RSPO2: variants seen among roughly 807,000 people sequenced by gnomAD.
RSPO2 encodes the protein R-spondin 2.
A neutral mutation model predicts 30.9 loss-of-function variants in RSPO2; 14 were observed. That is an observed-to-expected ratio of 0.45 (90% CI 0.30 to 0.71). The LOEUF (loss-of-function observed/expected upper bound fraction) is 0.71. Among genes scored for constraint, RSPO2 ranks in the 30% least tolerant of loss-of-function variants. RSPO2 has a pLI of 0.08. For synonymous variants in RSPO2, 107 were observed against 96.4 expected (o/e 1.11, Z -0.64); for missense variants, 264 against 301.9 (o/e 0.87, Z 0.93).
chr8:108,050,973 C>T (rs532435951), intron 2 of RSPO2, among the ~76,000 whole-genome samples: 11 of 152,090 alleles, frequency 7.2e-5, no homozygotes, highest in Non-Finnish European at 1.5e-4. Flanking sequence ...ATGGCTACAG[C>T]AACATGCCAC....
At chr8:108,039,882 A>G (rs1176884452) in intron 2 of RSPO2, among the ~76,000 whole-genome samples, 1 of 152,170 alleles carries the variant, frequency 6.6e-6, no homozygotes, top group Non-Finnish European at 1.5e-5. Context: ...TAGTGCCCTT[A>G]GAAGAAGAGG....
At chr8:107,952,501 C>T (rs937187084) in intron 5 of RSPO2, among the ~76,000 whole-genome samples, 7 of 152,050 alleles carry the variant, frequency 4.6e-5, no homozygotes, top group Non-Finnish European at 7.4e-5. Flanking sequence ...ATTTTAATAT[C>T]GACATTCTTG....
At chr8:107,999,582 G>T (rs1434837294) in intron 2 of RSPO2, among the ~76,000 whole-genome samples, 1 of 152,038 alleles carries the variant, frequency 6.6e-6, no homozygotes, top group Non-Finnish European at 1.5e-5. Context: ...CTACAGGCTT[G>T]TGCCACCACA....
intron 3 of RSPO2, among the ~76,000 whole-genome samples, chr8:107,962,589 T>C (rs1402753184): frequency 6.6e-6 from 1 of 152,174 alleles, no homozygotes; most frequent in African/African-American, 2.4e-5. Context: ...TGCTGTAACC[T>C]ATATTTTAAT....
At position 108,012,305 on chromosome 8, in the gene RSPO2, C is replaced by A. The variant is rs564576833; in HGVS notation, c.95-23061G>T. ...CCTAGAAGCTGAATCTCAGACTTTCCTCATCCCACACCTTGTGTATTGCAG... is the reference window on the plus strand; with the variant it reads ...CCTAGAAGCTGAATCTCAGACTTTCATCATCCCACACCTTGTGTATTGCAG... On this transcript the variant is annotated intron_variant, in intron 2 of 5. Transcript: ENST00000276659. Among the ~76,000 whole-genome samples, 133 of 152,314 alleles carry A rather than the reference C, an allele frequency of 8.7e-4. 1 individual carries two copies. Among genetic ancestry groups the A allele is most frequent in the African/African-American group, 3.2e-3 (132 of 41,580 alleles).
intron 5 of RSPO2, among the ~76,000 whole-genome samples, chr8:107,941,265 T>TA (rs2099841588): frequency 6.6e-6 from 1 of 152,162 alleles, no homozygotes; most frequent in Admixed American, 6.6e-5. Flanking sequence ...ATCACTTTCC[T>TA]ACATTCTTCA....
chr8:107,936,394 T>C (rs1563528641), intron 5 of RSPO2, among the ~76,000 whole-genome samples: 1 of 152,180 alleles, frequency 6.6e-6, no homozygotes, highest in Non-Finnish European at 1.5e-5. Flanking sequence ...CTATTGTGAA[T>C]AGTGCTGCAA....
chr8:108,026,635 G>A (rs1304154304), intron 2 of RSPO2, among the ~76,000 whole-genome samples: 3 of 152,150 alleles, frequency 2.0e-5, no homozygotes, highest in Admixed American at 2.0e-4. Context: ...GGGAGGCCGA[G>A]GCAGGTGGAT....
intron 3 of RSPO2, among the ~76,000 whole-genome samples, chr8:107,974,446 C>T (rs983407111): frequency 2.6e-5 from 4 of 152,048 alleles, no homozygotes; most frequent in Admixed American, 6.6e-5. Context: ...CCTGAGAGGT[C>T]GAGGCTACAG....
intron 3 of RSPO2, among the ~76,000 whole-genome samples, chr8:107,962,721 C>T (rs888653063): frequency 5.9e-5 from 9 of 151,392 alleles, no homozygotes; most frequent in African/African-American, 1.5e-4. Context: ...CCCTTCCTGC[C>T]GTAGTTATTT....
Position 107,969,808 on chromosome 8 carries a change from C to T in RSPO2, c.284-8991G>A, listed in dbSNP as rs1003998826. Among the ~76,000 whole-genome samples, 8 of 152,160 alleles carry T rather than the reference C, an allele frequency of 5.3e-5. No individual in the cohort carries two copies. The South Asian group carries it at 8.3e-4, about 16-fold the overall frequency. ...TCTCATATCAGATTTTAAATTCCTG[C>T]CATTATTAGAACTCTCATCTTGGTT... On this transcript the variant is annotated intron_variant, in intron 3 of 5. Transcript: ENST00000276659.
chr8:108,067,992 C>CCCA (rs1812726178), intron 2 of RSPO2, among the ~76,000 whole-genome samples: 1 of 151,952 alleles, frequency 6.6e-6, no homozygotes, highest in Admixed American at 6.6e-5. Context: ...TCACTTGAAC[C>CCCA]TGGGAGGCAG....
chr8:107,902,515 G>A (rs1811510397), intron 5 of RSPO2, among the ~76,000 whole-genome samples: 1 of 152,070 alleles, frequency 6.6e-6, no homozygotes, highest in Non-Finnish European at 1.5e-5. Context: ...GGAGGCTGAT[G>A]TCAAAAATGA....
chr8:107,952,798 T>A (rs1230983178), intron 5 of RSPO2, among the ~76,000 whole-genome samples: 3 of 152,104 alleles, frequency 2.0e-5, no homozygotes. Context: ...CGAAAAAACA[T>A]AGGTTTGGAG....
chr8:107,921,289 C>CACACAA (rs1812161268), intron 5 of RSPO2, among the ~76,000 whole-genome samples: 1 of 151,464 alleles, frequency 6.6e-6, no homozygotes, highest in African/African-American at 2.4e-5. Context: ...CACACACACA[C>CACACAA]ACACACACAC....
At chr8:107,929,965 G>T (rs1368579432) in intron 5 of RSPO2, among the ~76,000 whole-genome samples, 1 of 152,088 alleles carries the variant, frequency 6.6e-6, no homozygotes, top group Non-Finnish European at 1.5e-5. Context: ...TGCCTACTTA[G>T]TTTAAGATTT....
At chr8:108,049,227 C>A (rs1812000019) in intron 2 of RSPO2, among the ~76,000 whole-genome samples, 1 of 151,682 alleles carries the variant, frequency 6.6e-6, no homozygotes, top group Non-Finnish European at 1.5e-5. Context: ...TGCACATGTA[C>A]CCTAGAACTT....
intron 5 of RSPO2, among the ~76,000 whole-genome samples, chr8:107,948,866 A>T (rs201771025): frequency 7.3e-4 from 106 of 145,884 alleles, no homozygotes; most frequent in Non-Finnish European, 9.4e-4. Flanking sequence ...TCTCAAAAAA[A>T]AAATAAATAA....
chr8:107,991,120 G>A (rs1231046849), intron 2 of RSPO2, among the ~76,000 whole-genome samples: 1 of 151,306 alleles, frequency 6.6e-6, no homozygotes, highest in Non-Finnish European at 1.5e-5. Flanking sequence ...GGTAGCGAAT[G>A]CCTATAATCC....
Sources: allele counts gnomAD v4.1 joint callset (sites outside exome capture counted in the v4.1 genomes callset), GRCh38; gene constraint gnomAD v4.1.1; transcripts MANE v1.5; gene names NCBI Gene and HGNC (gene_info 2026-07-23, HGNC 2026-07-21).